The following ZMYM4 variants were observed in gnomAD, a reference collection of about 807,000 sequenced individuals.
ZMYM4 encodes the protein zinc finger MYM-type protein 4.
A neutral mutation model predicts 183.2 loss-of-function variants in ZMYM4; 31 were observed. The ratio of observed to expected loss-of-function variants is 0.17; its 90% CI spans 0.13 to 0.23. ZMYM4 has a LOEUF of 0.23. ZMYM4 is among the 10% of genes least tolerant of loss of function. The pLI, the probability that ZMYM4 is intolerant of heterozygous loss-of-function variation, is 1.00. For synonymous variants in ZMYM4, 592 were observed against 631.2 expected, an observed-to-expected ratio of 0.94 and a Z score of 0.93; for missense variants, 1,273 against 1,840.3, an observed-to-expected ratio of 0.69 and a Z score of 5.64.
intron 1 of ZMYM4, among the ~76,000 whole-genome samples, chr1:35,270,557 G>A (rs2148659198): frequency 6.6e-6 from 1 of 152,214 alleles, no homozygotes; most frequent in African/African-American, 2.4e-5. Flanking sequence ...CCAGGAGTTC[G>A]AGACCAGCCT....
chr1:35,336,808 C>T (rs1642993622), intron 2 of ZMYM4, among the ~76,000 whole-genome samples: 1 of 152,060 alleles, frequency 6.6e-6, no homozygotes, highest in Admixed American at 6.6e-5. Flanking sequence ...AATTGTAATC[C>T]CCACATTCAA....
intron 1 of ZMYM4, among the ~76,000 whole-genome samples, chr1:35,312,837 C>T (rs902040780): frequency 6.6e-6 from 1 of 152,048 alleles, no homozygotes; most frequent in Non-Finnish European, 1.5e-5. Flanking sequence ...TCTTGTGCCT[C>T]AGCTTTCCAA....
chr1:35,326,864 TTC>T (rs1382296533), intron 2 of ZMYM4, among the ~76,000 whole-genome samples: 1 of 152,202 alleles, frequency 6.6e-6, no homozygotes, highest in Non-Finnish European at 1.5e-5. Context: ...GTCATTTTTT[TTC>T]TCTCTTTTTT....
At chr1:35,353,140 A>G (rs190801257) in intron 2 of ZMYM4, among the ~76,000 whole-genome samples, 2 of 152,302 alleles carry the variant, frequency 1.3e-5, no homozygotes, top group East Asian at 3.9e-4. Flanking sequence ...TCATATACGT[A>G]TCAGGCAATG....
At chr1:35,365,187 T>C (rs1166780622) in intron 5 of ZMYM4, among the ~76,000 whole-genome samples, 1 of 151,604 alleles carries the variant, frequency 6.6e-6, no homozygotes. Flanking sequence ...GAGATTTAGT[T>C]ACTCAAGCCC....
chr1:35,366,976 A>G (rs1397822829), intron 5 of ZMYM4, among the ~76,000 whole-genome samples: 1 of 151,330 alleles, frequency 6.6e-6, no homozygotes, highest in Non-Finnish European at 1.5e-5. Flanking sequence ...GTGAGCCAAG[A>G]TCGCACCATC....
chr1:35,399,454 A>T, intron 22 of ZMYM4, 28 bp from the exon 23 acceptor site: 2 of 1,599,130 alleles, frequency 1.3e-6, no homozygotes, highest in Non-Finnish European at 8.6e-7. Flanking sequence ...TATTTACCTC[A>T]TGTTGTCCTT....
chr1:35,305,890 G>T (rs977673853), intron 1 of ZMYM4, among the ~76,000 whole-genome samples: 1 of 152,080 alleles, frequency 6.6e-6, no homozygotes, highest in Non-Finnish European at 1.5e-5. Flanking sequence ...GATTAATGTG[G>T]TTATATATAA....
At chr1:35,390,276 C>T (rs1028427215) in intron 15 of ZMYM4, among the ~76,000 whole-genome samples, 178 bp downstream of exon 15, 3 of 152,022 alleles carry the variant, frequency 2.0e-5, no homozygotes, top group Non-Finnish European at 2.9e-5. Context: ...CACTGTCGTC[C>T]GTGTGAAGAG....
chr1:35,416,861 G>T (rs1053759956), intron 28 of ZMYM4, among the ~76,000 whole-genome samples: 2 of 152,186 alleles, frequency 1.3e-5, no homozygotes, highest in African/African-American at 4.8e-5. Context: ...ACCATGCCTG[G>T]CCTCAGTTGG....
intron 2 of ZMYM4, among the ~76,000 whole-genome samples, chr1:35,335,735 C>T (rs377412614): frequency 4.3e-4 from 66 of 152,108 alleles, no homozygotes; most frequent in Admixed American, 8.5e-4. Flanking sequence ...GGGTGGATCA[C>T]GAGGTCAGGA....
At chr1:35,391,063 T>C (rs1644694532) in intron 15 of ZMYM4, among the ~76,000 whole-genome samples, 2 of 152,108 alleles carry the variant, frequency 1.3e-5, no homozygotes, top group East Asian at 1.9e-4. Context: ...AAACTATATG[T>C]CGTGGGCGTG....
intron 1 of ZMYM4, among the ~76,000 whole-genome samples, chr1:35,311,388 C>G (rs1641790938): frequency 6.6e-6 from 1 of 150,644 alleles, no homozygotes; most frequent in Admixed American, 6.6e-5. Flanking sequence ...TGCCATTGCA[C>G]TCCAGCCTCG....
intron 1 of ZMYM4, among the ~76,000 whole-genome samples, chr1:35,282,152 T>C (rs1045806383): frequency 2.6e-5 from 4 of 152,258 alleles, no homozygotes; most frequent in Non-Finnish European, 5.9e-5. Context: ...TCTGGTATTG[T>C]GATGGTTTTA....
intron 1 of ZMYM4, among the ~76,000 whole-genome samples, chr1:35,320,073 T>C (rs1642219215): frequency 6.6e-6 from 1 of 152,216 alleles, no homozygotes; most frequent in South Asian, 2.1e-4. Context: ...AGGAAATACA[T>C]ATTTGGTTTC....
intron 1 of ZMYM4, among the ~76,000 whole-genome samples, chr1:35,322,798 T>C (rs1219784538): frequency 6.6e-6 from 1 of 152,146 alleles, no homozygotes; most frequent in Non-Finnish European, 1.5e-5. Context: ...CAAGCGATTC[T>C]CCTGCCTCAG....
intron 2 of ZMYM4, among the ~76,000 whole-genome samples, chr1:35,330,683 C>CT (rs1268640926): frequency 6.6e-6 from 1 of 152,042 alleles, no homozygotes; most frequent in African/African-American, 2.4e-5. Context: ...CTGCAACAAC[C>CT]TTTTTTCAAA....
intron 7 of ZMYM4, among the ~76,000 whole-genome samples, chr1:35,371,063 G>C (rs1644198536): frequency 2.0e-5 from 1 of 49,518 alleles, no homozygotes; most frequent in Non-Finnish European, 3.7e-5. Context: ...ATGGCTTCCA[G>C]TGTGTGTGTG....
At chr1:35,352,933 T>G (rs1436702309) in intron 2 of ZMYM4, among the ~76,000 whole-genome samples, 1 of 152,210 alleles carries the variant, frequency 6.6e-6, no homozygotes, top group Admixed American at 6.5e-5. Flanking sequence ...TTGGCCAGTC[T>G]TCTCTTAACT....
Sources: allele counts gnomAD v4.1 joint callset (sites outside exome capture counted in the v4.1 genomes callset), GRCh38; gene constraint gnomAD v4.1.1; transcripts MANE v1.5; gene names NCBI Gene and HGNC (gene_info 2026-07-23, HGNC 2026-07-21).